MCM5: variants seen among roughly 807,000 people sequenced by gnomAD.
MCM5 encodes minichromosome maintenance complex component 5.
A neutral mutation model predicts 79.9 loss-of-function variants in MCM5; 46 were observed. The observed-to-expected ratio is 0.58, with a 90% CI of 0.45 to 0.74. MCM5 has a LOEUF of 0.74. Ranked by LOEUF, MCM5 falls within the 30% of genes least tolerant of loss-of-function variation. MCM5 has a pLI of 0.00. For missense variants in MCM5, 883 were observed against 1,017.0 expected, an observed-to-expected ratio of 0.87 and a Z score of 1.79; for synonymous variants, 404 against 390.5, an observed-to-expected ratio of 1.03 and a Z score of -0.41.
the MCM5 span, among the ~76,000 whole-genome samples, chr22:35,451,032 T>A: frequency 2.0e-5 from 3 of 152,206 alleles, no homozygotes; most frequent in Non-Finnish European, 4.4e-5. Context: ...TGTGGAGTCC[T>A]GCTGTCCTTT....
chr22:35,403,380 G>A (rs1196323742), intron 3 of MCM5, 34 bp from the exon 4 acceptor site: 3 of 1,614,114 alleles, frequency 1.9e-6, no homozygotes, highest in Non-Finnish European at 1.7e-6. Context: ...CTCTGCCCCA[G>A]TTACTAATAG....
intron 1 of MCM5, 37 bp from the exon 2 acceptor site, chr22:35,400,394 G>T: frequency 6.2e-7 from 1 of 1,612,606 alleles, no homozygotes; most frequent in East Asian, 2.2e-5. Flanking sequence ...GCCAGGCGCT[G>T]CCCCCAGCCT....
At chr22:35,451,753 C>T in the MCM5 span, among the ~76,000 whole-genome samples, 1 of 152,230 alleles carries the variant, frequency 6.6e-6, no homozygotes, top group South Asian at 2.1e-4. Context: ...GCTTTGTTAG[C>T]AGCGGTTCCT....
At chr22:35,406,955 C>T (rs1020848375) in intron 5 of MCM5, among the ~76,000 whole-genome samples, 10 of 152,116 alleles carry the variant, frequency 6.6e-5, no homozygotes, top group Non-Finnish European at 1.0e-4. Context: ...ACCCAGACAG[C>T]GTTGTAGGGA....
At chr22:35,417,325 C>T (rs948947357) in intron 12 of MCM5, among the ~76,000 whole-genome samples, 1 of 152,116 alleles carries the variant, frequency 6.6e-6, no homozygotes, top group Non-Finnish European at 1.5e-5. Flanking sequence ...AAGATTTTGT[C>T]CTGTTAGCTT....
intron 2 of MCM5, chr22:35,401,612 C>A: frequency 2.1e-6 from 1 of 471,008 alleles, no homozygotes; most frequent in South Asian, 1.5e-5. Context: ...TGTCTCTGGG[C>A]CTCACCAGGC....
At chr22:35,406,300 C>CCA (rs1932211156) in intron 4 of MCM5, among the ~76,000 whole-genome samples, 1 of 137,784 alleles carries the variant, frequency 7.3e-6, no homozygotes, top group Admixed American at 7.1e-5. Flanking sequence ...CCTGCCACCT[C>CCA]CCCCCCCAAT....
chr22:35,446,824 G>A, the MCM5 span, among the ~76,000 whole-genome samples: 1 of 72,754 alleles, frequency 1.4e-5, no homozygotes, highest in Non-Finnish European at 2.8e-5. Context: ...CTTTCTGAGA[G>A]TCTTTTCTGA....
chr22:35,453,023 G>A, the MCM5 span, among the ~76,000 whole-genome samples: 1 of 152,188 alleles, frequency 6.6e-6, no homozygotes, highest in African/African-American at 2.4e-5. Flanking sequence ...GCTGAGGGCT[G>A]AGATGCTATC....
At chr22:35,420,663 C>T (rs1260590825) in intron 14 of MCM5, among the ~76,000 whole-genome samples, 2 of 152,236 alleles carry the variant, frequency 1.3e-5, no homozygotes, top group South Asian at 2.1e-4. Context: ...GCCATCACCT[C>T]CAGGCAGCAG....
At chr22:35,438,031 G>C in the MCM5 span, among the ~76,000 whole-genome samples, 1 of 152,246 alleles carries the variant, frequency 6.6e-6, no homozygotes, top group Admixed American at 6.5e-5. Context: ...CCAAGCGAGG[G>C]CAAGGAAGGG....
At chr22:35,425,728 G>T (rs145956649), downstream of MCM5, among the ~76,000 whole-genome samples, 1 of 151,860 alleles carries the variant, frequency 6.6e-6, no homozygotes, top group Non-Finnish European at 1.5e-5. Context: ...GTGGGGACTC[G>T]CGTGCATCTC....
the MCM5 span, among the ~76,000 whole-genome samples, chr22:35,431,151 G>C: frequency 1.3e-4 from 20 of 152,198 alleles, no homozygotes; most frequent in Non-Finnish European, 2.5e-4. Flanking sequence ...GACGCTGCCT[G>C]GAGGATCCTC....
chr22:35,450,273 T>C, the MCM5 span, among the ~76,000 whole-genome samples: 1 of 152,102 alleles, frequency 6.6e-6, no homozygotes, highest in South Asian at 2.1e-4. Context: ...TGGGCGACCT[T>C]ATTCCACTTC....
At chr22:35,429,367 A>G (rs568627818), downstream of MCM5, among the ~76,000 whole-genome samples, 61 of 152,270 alleles carry the variant, frequency 4.0e-4, no homozygotes, top group African/African-American at 1.4e-3. Flanking sequence ...CTTTGAGGAA[A>G]TGACTCAATG....
At chr22:35,419,451 C>T (rs1207529815) in intron 13 of MCM5, among the ~76,000 whole-genome samples, 3 of 152,164 alleles carry the variant, frequency 2.0e-5, no homozygotes, top group African/African-American at 4.8e-5. Flanking sequence ...GTGTCATCAG[C>T]TTGTCGTGTC....
chr22:35,418,057 C>A (rs1663998514), intron 13 of MCM5, among the ~76,000 whole-genome samples: 1 of 152,184 alleles, frequency 6.6e-6, no homozygotes, highest in South Asian at 2.1e-4. Context: ...TTTCCCACCT[C>A]CACACCAAGG....
chr22:35,424,177 C>G lies in MCM5; in HGVS notation c.2127C>G (p.His709Gln), dbSNP rs777064650. Residue 709 changes from histidine to glutamine, a missense_variant, in exon 17 of 17, where the codon CAC becomes CAG. His to Gln is a conservative substitution (Grantham distance 24, BLOSUM62 0). Transcript: ENST00000216122. ...TKQKYPEHAI[H>Q]KVLQLMLRRG... ...AGAAATACCCGGAGCACGCCATCCA[C>G]AAGGTGCTGCAGCTCATGCTGCGGC... 2 of 1,552,194 alleles carry G rather than the reference C, an allele frequency of 1.3e-6. No individual in the cohort carries two copies. The highest frequency in any genetic ancestry group is 1.2e-5 in the South Asian group (1 of 83,946).
At chr22:35,408,628 C>G (rs4645770) in intron 6 of MCM5, 65 bp downstream of exon 6, 1 of 1,546,642 alleles carries the variant, frequency 6.5e-7, no homozygotes, top group Non-Finnish European at 8.8e-7. Flanking sequence ...GGCCCTAACC[C>G]GAGTGTTGGG....
Sources: gnomAD v4.1 joint callset for allele counts (sites outside exome capture counted in the v4.1 genomes callset) on GRCh38, gnomAD v4.1.1 for gene constraint, MANE v1.5 for transcripts, NCBI Gene and HGNC (gene_info 2026-07-23, HGNC 2026-07-21) for gene names.